FAM107B: variants seen among roughly 807,000 people sequenced by gnomAD.
FAM107B encodes the protein protein FAM107B.
Under a neutral mutation model 31.5 loss-of-function variants are expected in FAM107B, and 21 were observed. The observed-to-expected ratio is 0.67, with a 90% CI of 0.47 to 0.96. The LOEUF is 0.96. Among genes scored for constraint, FAM107B ranks in the 40% least tolerant of loss-of-function variants. The pLI is 0.00. For synonymous variants in FAM107B, 157 were observed against 141.5 expected (o/e 1.11, Z -0.78); for missense variants, 452 against 377.1 (o/e 1.20, Z -1.64).
chr10:14,701,290 G>A (rs1855392903), intron 1 of FAM107B, among the ~76,000 whole-genome samples: 1 of 151,952 alleles, frequency 6.6e-6, no homozygotes, highest in African/African-American at 2.4e-5. Context: ...TGTCGTCCAG[G>A]CTGGAGTGCA....
At chr10:14,646,364 G>C (rs1853754372) in intron 2 of FAM107B, among the ~76,000 whole-genome samples, 1 of 152,074 alleles carries the variant, frequency 6.6e-6, no homozygotes, top group South Asian at 2.1e-4. Flanking sequence ...TGAGTCTCCA[G>C]TGTCCACTGT....
At chr10:14,558,514 T>G (rs981998989) in intron 2 of FAM107B, among the ~76,000 whole-genome samples, 1 of 152,244 alleles carries the variant, frequency 6.6e-6, no homozygotes, top group African/African-American at 2.4e-5. Context: ...TGACCAAAAT[T>G]GGATGGCAAT....
intron 2 of FAM107B, among the ~76,000 whole-genome samples, chr10:14,554,582 G>C (rs769217247): frequency 3.3e-5 from 5 of 152,102 alleles, no homozygotes; most frequent in Admixed American, 1.3e-4. Context: ...AAATGAGAGG[G>C]GCAGGGTCTC....
chr10:14,633,798 A>C (rs1411031836), intron 2 of FAM107B, among the ~76,000 whole-genome samples: 2 of 152,254 alleles, frequency 1.3e-5, no homozygotes, highest in African/African-American at 4.8e-5. Flanking sequence ...TATTGATTCA[A>C]TAGACACCTG....
chr10:14,752,129 A>T (rs1832840656), intron 1 of FAM107B, among the ~76,000 whole-genome samples: 1 of 152,216 alleles, frequency 6.6e-6, no homozygotes, highest in African/African-American at 2.4e-5. Flanking sequence ...CTGCTGAGGC[A>T]GCAGACTCCC....
intron 2 of FAM107B, among the ~76,000 whole-genome samples, chr10:14,606,030 T>C (rs959701597): frequency 1.4e-4 from 22 of 152,116 alleles, no homozygotes; most frequent in African/African-American, 5.3e-4. Flanking sequence ...CAAGTGAACT[T>C]TCCAGGTGCA....
chr10:14,599,629 C>T (rs1852304742), intron 2 of FAM107B, among the ~76,000 whole-genome samples: 1 of 152,026 alleles, frequency 6.6e-6, no homozygotes, highest in African/African-American at 2.4e-5. Context: ...ATAGTGAGAC[C>T]CCATCTCTAC....
intron 1 of FAM107B, among the ~76,000 whole-genome samples, chr10:14,719,671 AG>A (rs1432226503): frequency 1.3e-5 from 2 of 152,198 alleles, no homozygotes; most frequent in Non-Finnish European, 2.9e-5. Context: ...AGGAAAAGCC[AG>A]GGTATTTATG....
At chr10:14,531,245 C>T (rs1846958938) in intron 2 of FAM107B, among the ~76,000 whole-genome samples, 1 of 152,186 alleles carries the variant, frequency 6.6e-6, no homozygotes, top group African/African-American at 2.4e-5. Context: ...CAAGGCCGAG[C>T]AAGGTGGCTC....
intron 2 of FAM107B, among the ~76,000 whole-genome samples, chr10:14,587,432 C>CA (rs1394704838): frequency 6.6e-6 from 1 of 152,114 alleles, no homozygotes; most frequent in African/African-American, 2.4e-5. Flanking sequence ...AAAATGTGGA[C>CA]AACAGACACA....
At chr10:14,645,589 G>A (rs527474529) in intron 2 of FAM107B, among the ~76,000 whole-genome samples, 1 of 152,188 alleles carries the variant, frequency 6.6e-6, no homozygotes, top group South Asian at 2.1e-4. Flanking sequence ...CTTGTAGGGG[G>A]ATGTGGCTGT....
At chr10:14,591,101 C>A (rs1852005622) in intron 2 of FAM107B, among the ~76,000 whole-genome samples, 1 of 151,226 alleles carries the variant, frequency 6.6e-6, no homozygotes, top group African/African-American at 2.4e-5. Context: ...TCATCAATGA[C>A]TGATCTTTTA....
At chr10:14,550,978 C>T (rs1849207380) in intron 2 of FAM107B, among the ~76,000 whole-genome samples, 1 of 152,144 alleles carries the variant, frequency 6.6e-6, no homozygotes, top group Non-Finnish European at 1.5e-5. Context: ...TCATAGCTAA[C>T]TACTTCCTTT....
chr10:14,541,162 G>A (rs984429535), intron 2 of FAM107B, among the ~76,000 whole-genome samples: 1 of 152,028 alleles, frequency 6.6e-6, no homozygotes, highest in Non-Finnish European at 1.5e-5. Flanking sequence ...CCTCATCCTG[G>A]GAATTGTGCA....
intron 1 of FAM107B, among the ~76,000 whole-genome samples, chr10:14,699,418 G>C (rs1457753530): frequency 6.6e-6 from 1 of 152,178 alleles, no homozygotes. Flanking sequence ...ACGAGAACCA[G>C]GGAGCCGATG....
At chr10:14,575,207 T>C (rs1851426279) in intron 2 of FAM107B, among the ~76,000 whole-genome samples, 1 of 127,836 alleles carries the variant, frequency 7.8e-6, no homozygotes, top group Non-Finnish European at 1.7e-5. Context: ...CTTTTTGTTT[T>C]TTTGTTTTTT....
chr10:14,526,330 C>T (rs974348244), intron 3 of FAM107B, among the ~76,000 whole-genome samples: 6 of 152,142 alleles, frequency 3.9e-5, no homozygotes, highest in Non-Finnish European at 7.4e-5. Flanking sequence ...CGTGCCACCA[C>T]GCCCAGCTAA....
At chr10:14,532,882 C>G (rs1342257220) in intron 2 of FAM107B, among the ~76,000 whole-genome samples, 1 of 152,092 alleles carries the variant, frequency 6.6e-6, no homozygotes, top group East Asian at 1.9e-4. Context: ...TGGGGAGGAG[C>G]TGGAGGGAAT....
At chr10:14,736,487 C>T (rs1856303562) in intron 1 of FAM107B, among the ~76,000 whole-genome samples, 1 of 152,122 alleles carries the variant, frequency 6.6e-6, no homozygotes, top group Non-Finnish European at 1.5e-5. Flanking sequence ...AGACTCTATC[C>T]TTAGTGTACT....
Sources: gnomAD v4.1 joint callset for allele counts (sites outside exome capture counted in the v4.1 genomes callset) on GRCh38, gnomAD v4.1.1 for gene constraint, MANE v1.5 for transcripts, NCBI Gene and HGNC (gene_info 2026-07-23, HGNC 2026-07-21) for gene names.